ERICH6: variants seen among roughly 807,000 people sequenced by gnomAD.
ERICH6 encodes glutamate-rich protein 6.
Under a neutral mutation model 71.0 loss-of-function variants are expected in ERICH6, and 71 were observed. The observed-to-expected ratio is 1.00, with a 90% CI of 0.83 to 1.22. The LOEUF is 1.22. ERICH6 is among the 50% of genes most tolerant of loss of function. The pLI is 0.00. For missense variants in ERICH6, 808 were observed against 797.2 expected, an observed-to-expected ratio of 1.01 and a Z score of -0.16; for synonymous variants, 262 against 278.4, an observed-to-expected ratio of 0.94 and a Z score of 0.59.
At chr3:150,696,691 T>C (rs1241358519) in intron 3 of ERICH6, among the ~76,000 whole-genome samples, 1 of 152,126 alleles carries the variant, frequency 6.6e-6, no homozygotes, top group Non-Finnish European at 1.5e-5. Context: ...ATCAAGTTGC[T>C]CAACCTCGGC....
In ERICH6 at chr3:150,703,819, T is replaced by TCTTCCTCCTCCTCCTCCG. The variant is rs1713066299; in HGVS notation, c.79_80insCGGAGGAGGAGGAGGAAG (p.Glu26_Glu27insAlaGluGluGluGluGlu). On this transcript the variant is annotated inframe_insertion, in exon 1 of 14. Coordinates refer to ENST00000295910, the MANE Select transcript of ERICH6 (RefSeq NM_152394.5). The stretch of plus-strand genomic sequence containing the variant: ...CTCCACCTCTTCCTCCTCCTCCTCC[T>TCTTCCTCCTCCTCCTCCG]CCTCTAACTCCTCCTCTGACTCCTT... 1 of 1,446,230 alleles carries TCTTCCTCCTCCTCCTCCG rather than the reference T, an allele frequency of 6.9e-7. No individual in the cohort carries two copies. The highest frequency in any genetic ancestry group is 9.2e-7 in the Non-Finnish European group (1 of 1,086,308). 89.6% of individuals were successfully genotyped at this position (1,446,230 alleles called of 1,614,324 possible). A position where few individuals can be genotyped will look rare whatever the true frequency, so the allele number is the denominator to read the frequency against.
In ERICH6 at chr3:150,686,374, G is replaced by A. The variant is rs147472481; in HGVS notation, c.554-20C>T. 28 of 1,609,090 alleles carry A rather than the reference G, an allele frequency of 1.7e-5. No individual in the cohort carries two copies. The highest frequency in any genetic ancestry group is 1.3e-4 in the African/African-American group (10 of 74,854). On this transcript the variant is annotated intron_variant, in intron 3 of 13. Transcript: ENST00000295910. ...TCTTCCCTGTGAAAACAGGGTACATGTGTCATCAATCTGACAAAGTAGAAA... is the reference window on the plus strand; with the variant it reads ...TCTTCCCTGTGAAAACAGGGTACATATGTCATCAATCTGACAAAGTAGAAA...
rs769057411 is a variant in ERICH6 at position 150,660,066 on chromosome 3, C to T, written c.1818G>A (p.Leu606=). Residue 606 remains leucine (L), a synonymous_variant, in exon 14 of 14, where the codon CTG becomes CTA. Coordinates refer to ENST00000295910, the MANE Select transcript of ERICH6 (RefSeq NM_152394.5). ...LLASLIKIRR[L]FHKLEGCVNF... is the part of the protein sequence containing the mutation. ...TCACACATCCTTCAAGTTTATGAAACAGGCGACGGATCTTTATTAAACTGG... is the reference window on the plus strand; with the variant it reads ...TCACACATCCTTCAAGTTTATGAAATAGGCGACGGATCTTTATTAAACTGG... 1 of 1,614,072 alleles carries T rather than the reference C, an allele frequency of 6.2e-7. No homozygotes were observed. The highest frequency in any genetic ancestry group is 1.1e-5 in the South Asian group (1 of 91,082).
chr3:150,703,224 T>TA (rs749799089), intron 1 of ERICH6, among the ~76,000 whole-genome samples: 58 of 140,312 alleles, frequency 4.1e-4, no homozygotes, highest in East Asian at 1.0e-3. Context: ...GACTCTTGTC[T>TA]AAAAAAAAAA....
rs1199940314 is a variant in ERICH6 at position 150,666,796 on chromosome 3, G to T, written c.1719C>A (p.Thr573=). ...TTAAAAATGTACCTACCTTCACTTT[G>T]GTTCCAACACTGATTCTTGCCTGTT... ...MGQQARISVG[T]KVKLPNPEEI... is the part of the protein sequence containing the mutation. Residue 573 remains threonine, a synonymous_variant, in exon 13 of 14, where the codon ACC becomes ACA. Coordinates refer to ENST00000295910, the MANE Select transcript of ERICH6 (RefSeq NM_152394.5). The T allele has an allele frequency of 2.2e-5, 36 of 1,613,472 alleles. No homozygotes were observed. The highest frequency in any genetic ancestry group is 3.3e-4 in the Middle Eastern group (2 of 6,058).
chr3:150,702,023 A>G, intron 2 of ERICH6, 98 bp downstream of exon 2: 1 of 830,446 alleles, frequency 1.2e-6, no homozygotes, highest in Non-Finnish European at 1.9e-6. Flanking sequence ...GTAAGTCACA[A>G]ATGCCCTGGA....
chr3:150,659,975 T>G lies in ERICH6; in HGVS notation c.1909A>C (p.Lys637Gln). Residue 637 changes from lysine (K) to glutamine (Q), a missense_variant, in exon 14 of 14, where the codon AAA (lysine) becomes CAA (glutamine). Lys to Gln is a moderately conservative substitution (Grantham distance 53). Coordinates refer to ENST00000295910, the MANE Select transcript of ERICH6 (RefSeq NM_152394.5). ...QPSYLSSLSL[K>Q]LIALCHSSGI... ...GAACTGTGACAAAGGGCAATTAGTT[T>G]TAGAGAAAGTGAAGAAAGGTAGGAA... The G allele has an allele frequency of 6.2e-7, 1 of 1,614,146 alleles. No individual in the cohort carries two copies. The highest frequency in any genetic ancestry group is 8.5e-7 in the Non-Finnish European group (1 of 1,180,014).
intron 7 of ERICH6, among the ~76,000 whole-genome samples, chr3:150,681,194 C>T (rs138040765): frequency 1.3e-5 from 2 of 152,272 alleles, no homozygotes; most frequent in Non-Finnish European, 2.9e-5. Context: ...CAGTCACTTC[C>T]TCTCCTTTCT....
chr3:150,691,620 T>C (rs1436012315), intron 3 of ERICH6, among the ~76,000 whole-genome samples: 1 of 152,176 alleles, frequency 6.6e-6, no homozygotes, highest in Non-Finnish European at 1.5e-5. Flanking sequence ...GAATGGTCTG[T>C]GTAAGTCACA....
intron 3 of ERICH6, among the ~76,000 whole-genome samples, chr3:150,689,062 G>A (rs1300075543): frequency 6.6e-6 from 1 of 152,158 alleles, no homozygotes; most frequent in African/African-American, 2.4e-5. Context: ...ATCGGTGCTT[G>A]GTACTAGCTT....
In ERICH6 at chr3:150,701,086, CTT is replaced by C. The variant is rs570881192; in HGVS notation, c.461+1033_461+1034del. On this transcript the variant is annotated intron_variant, in intron 2 of 13. Coordinates refer to ENST00000295910, the MANE Select transcript of ERICH6 (RefSeq NM_152394.5). ...AATAAAGCTTGGAAAAGTAATATAA[CTT>C]TATGTAAATATACACTGCATTTTAA... Among the ~76,000 whole-genome samples the C allele has an allele frequency of 2.1e-3, 313 of 152,050 alleles. 1 individual carries two copies. Among genetic ancestry groups the C allele is most frequent in the African/African-American group, 6.9e-3 (288 of 41,448 alleles).
intron 3 of ERICH6, 29 bp downstream of exon 3, chr3:150,698,762 A>G: frequency 1.3e-6 from 2 of 1,575,170 alleles, no homozygotes; most frequent in Non-Finnish European, 8.7e-7. Flanking sequence ...CCCTCCTCCC[A>G]GGAAAAGCTA....
chr3:150,695,421 G>A (rs567971191), intron 3 of ERICH6, among the ~76,000 whole-genome samples: 3 of 152,246 alleles, frequency 2.0e-5, no homozygotes, highest in Admixed American at 6.5e-5. Context: ...GGAGGCCGAG[G>A]CGGGCAGATC....
chr3:150,697,698 T>C (rs1002270173), intron 3 of ERICH6, among the ~76,000 whole-genome samples: 1 of 152,224 alleles, frequency 6.6e-6, no homozygotes, highest in African/African-American at 2.4e-5. Flanking sequence ...TGTCCCCAAC[T>C]TAACAATGGA....
At position 150,685,541 on chromosome 3, in the gene ERICH6, T is replaced by C. The variant is rs536897779; in HGVS notation, c.783+201A>G. Among the ~76,000 whole-genome samples, 32 of 152,246 alleles carry C rather than the reference T, an allele frequency of 2.1e-4. 1 individual carries two copies. The South Asian group carries it at 6.6e-3, about 32-fold the overall frequency. On this transcript the variant is annotated intron_variant, in intron 6 of 13. Transcript: ENST00000295910. Reference sequence around the variant, plus strand: ...ACAAGACAGTAAGTTTCTGTTGTTTTAAGCCACCCAGTTTGTGGTACCTGT... The same window carrying C: ...ACAAGACAGTAAGTTTCTGTTGTTTCAAGCCACCCAGTTTGTGGTACCTGT...
At chr3:150,697,468 C>A (rs1400576471) in intron 3 of ERICH6, among the ~76,000 whole-genome samples, 1 of 152,098 alleles carries the variant, frequency 6.6e-6, no homozygotes. Flanking sequence ...TCCAATATGG[C>A]TTTTATCCCC....
chr3:150,685,657 A>G (rs1471649676), intron 6 of ERICH6, 85 bp downstream of exon 6: 7 of 1,111,880 alleles, frequency 6.3e-6, no homozygotes, highest in South Asian at 1.6e-5. Flanking sequence ...CTTTTAGAGT[A>G]TTTTCACTGT....
intron 6 of ERICH6, among the ~76,000 whole-genome samples, chr3:150,683,167 C>A (rs1712038699): frequency 6.6e-6 from 1 of 152,176 alleles, no homozygotes; most frequent in African/African-American, 2.4e-5. Flanking sequence ...ACTAAGGTGG[C>A]CAGTGCAGCC....
chr3:150,686,070 G>T (rs774150973), intron 4 of ERICH6, 49 bp from the exon 5 acceptor site: 2 of 1,445,000 alleles, frequency 1.4e-6, no homozygotes, highest in Admixed American at 3.4e-5. Context: ...CCTTTGTGCA[G>T]TGCATTCCAC....
Sources: allele counts gnomAD v4.1 joint callset (sites outside exome capture counted in the v4.1 genomes callset), GRCh38; gene constraint gnomAD v4.1.1; transcripts MANE v1.5; gene names NCBI Gene and HGNC (gene_info 2026-07-23, HGNC 2026-07-21).